The following SUPT3H variants were observed in gnomAD, a reference collection of about 807,000 sequenced individuals.
SUPT3H encodes SPT3 homolog, SAGA and STAGA complex component, also known as transcription initiation protein SPT3 homolog.
In SUPT3H, 44 loss-of-function variants were observed where a neutral mutation model predicts 44.3. That is an observed-to-expected ratio of 0.99 (90% CI 0.78 to 1.28). The LOEUF is 1.28. SUPT3H is among the 50% of genes most tolerant of loss of function. The pLI is 0.00. For synonymous variants in SUPT3H, 124 were observed against 125.6 expected, an observed-to-expected ratio of 0.99 and a Z score of 0.09; for missense variants, 380 against 387.1, an observed-to-expected ratio of 0.98 and a Z score of 0.15.
chr6:45,271,193 C>T (rs878904176), intron 2 of SUPT3H, among the ~76,000 whole-genome samples: 1 of 152,130 alleles, frequency 6.6e-6, no homozygotes, highest in Non-Finnish European at 1.5e-5. Context: ...GAAATTCAAG[C>T]CAGCTGCAGA....
At chr6:45,125,827 C>A (rs1306138420) in intron 2 of SUPT3H, among the ~76,000 whole-genome samples, 13 of 147,334 alleles carry the variant, frequency 8.8e-5, no homozygotes, top group East Asian at 2.0e-4. Flanking sequence ...AAACTATTAC[C>A]AAAAAAAAAA....
chr6:44,932,973 G>A (rs116653370), intron 9 of SUPT3H, among the ~76,000 whole-genome samples: 375 of 151,908 alleles, frequency 2.5e-3, no homozygotes, highest in Non-Finnish European at 3.8e-3. Context: ...CCTACCAAAC[G>A]CAATTTTTAT....
intron 9 of SUPT3H, among the ~76,000 whole-genome samples, chr6:44,940,237 C>T (rs920950959): frequency 1.3e-4 from 20 of 151,848 alleles, no homozygotes; most frequent in Admixed American, 2.6e-4. Flanking sequence ...GGTTTCAGTG[C>T]GTTGTGTTTC....
intron 10 of SUPT3H, among the ~76,000 whole-genome samples, chr6:44,927,933 T>A (rs1028990025): frequency 1.3e-5 from 2 of 152,220 alleles, no homozygotes; most frequent in African/African-American, 4.8e-5. Context: ...TACTTTGTAT[T>A]ATTTATGTCT....
intron 6 of SUPT3H, among the ~76,000 whole-genome samples, chr6:44,968,831 A>G (rs13215618): frequency 0.46 from 69,565 of 151,996 alleles, 16,368 homozygotes; most frequent in Admixed American, 0.55. Context: ...CATCAAATTT[A>G]AGCTCAAATG....
intron 10 of SUPT3H, among the ~76,000 whole-genome samples, chr6:44,923,784 A>G (rs1769098736): frequency 6.6e-6 from 1 of 152,070 alleles, no homozygotes. Flanking sequence ...AAATGAGATA[A>G]GATCTCTCTT....
Position 45,092,500 on chromosome 6 carries a change from CAGCATTTGGG to C in SUPT3H, c.186+13412_186+13421del, listed in dbSNP as rs1271276170. The stretch of plus-strand genomic sequence containing the variant: ...GTGCGGTGGCTCACACCTGTAATCC[CAGCATTTGGG>C]AGGCTGAGGCGGGTGGATCACCTGA... On this transcript the variant is annotated intron_variant, in intron 3 of 10. Transcript: ENST00000371459. 1.2e-4 allele frequency among the ~76,000 whole-genome samples: 18 copies of C among 152,160 alleles called. No homozygotes were observed. The East Asian group carries it at 3.5e-3, about 29-fold the overall frequency.
intron 10 of SUPT3H, among the ~76,000 whole-genome samples, chr6:44,865,115 C>G (rs568449287): frequency 6.6e-6 from 1 of 152,340 alleles, no homozygotes; most frequent in South Asian, 2.1e-4. Context: ...TGCTGCCAGT[C>G]TCTTTGCTAA....
intron 9 of SUPT3H, among the ~76,000 whole-genome samples, chr6:44,935,826 A>G (rs857318): frequency 0.97 from 146,971 of 152,284 alleles, 70,950 homozygotes; most frequent in East Asian, 1. Flanking sequence ...TGTGATGCAG[A>G]AAGTTATACT....
At chr6:45,269,501 C>T (rs1201857783) in intron 2 of SUPT3H, among the ~76,000 whole-genome samples, 1 of 152,164 alleles carries the variant, frequency 6.6e-6, no homozygotes, top group African/African-American at 2.4e-5. Context: ...ATTAGGCACG[C>T]ACTTTATCTC....
chr6:44,896,728 A>T (rs944556404), intron 10 of SUPT3H, among the ~76,000 whole-genome samples: 1 of 152,166 alleles, frequency 6.6e-6, no homozygotes, highest in Non-Finnish European at 1.5e-5. Context: ...ATATGTATAA[A>T]ATTCCTCTAG....
At chr6:44,980,995 T>C (rs151302954) in intron 6 of SUPT3H, among the ~76,000 whole-genome samples, 22 of 152,264 alleles carry the variant, frequency 1.4e-4, no homozygotes, top group African/African-American at 5.3e-4. Context: ...GGAAGGCAAG[T>C]GACAGGAAAA....
chr6:45,286,922 A>G (rs1226103617), intron 2 of SUPT3H, among the ~76,000 whole-genome samples: 1 of 152,204 alleles, frequency 6.6e-6, no homozygotes, highest in Admixed American at 6.5e-5. Context: ...CTAAAAAATG[A>G]TGAGTTCATG....
chr6:45,114,279 A>G (rs1013218804), intron 2 of SUPT3H, among the ~76,000 whole-genome samples: 1 of 152,154 alleles, frequency 6.6e-6, no homozygotes, highest in Non-Finnish European at 1.5e-5. Context: ...ACAGACAAAA[A>G]AATGAGTCAA....
intron 2 of SUPT3H, among the ~76,000 whole-genome samples, chr6:45,232,379 A>T (rs1296121516): frequency 1.3e-5 from 2 of 152,170 alleles, no homozygotes; most frequent in African/African-American, 2.4e-5. Context: ...AGTAGATCCT[A>T]TGGTAATGTT....
intron 2 of SUPT3H, among the ~76,000 whole-genome samples, chr6:45,264,866 A>G (rs904315516): frequency 6.6e-6 from 1 of 152,144 alleles, no homozygotes; most frequent in African/African-American, 2.4e-5. Context: ...TTTAGAAAAC[A>G]TGAGAACTAG....
At chr6:45,328,249 T>G in intron 2 of SUPT3H, 1 of 1,325,228 alleles carries the variant, frequency 7.5e-7, no homozygotes, top group Non-Finnish European at 1.0e-6. Flanking sequence ...ACAAACCACA[T>G]GATTCTGCCT....
At position 44,890,540 on chromosome 6, in the gene SUPT3H, A is replaced by G. The variant is rs190025016; in HGVS notation, c.912+42113T>C. On this transcript the variant is annotated intron_variant, in intron 10 of 10. Coordinates refer to ENST00000371459, the MANE Select transcript of SUPT3H (RefSeq NM_003599.4). The stretch of plus-strand genomic sequence containing the variant: ...AACCAGACACCGCATATTCTCACTC[A>G]TAGGTGGGAATTGAACAATGAGAAC... Among the ~76,000 whole-genome samples, 165 of 143,184 alleles carry G rather than the reference A, an allele frequency of 1.2e-3. 1 individual carries two copies. Among genetic ancestry groups the G allele is most frequent in the Non-Finnish European group, 9.5e-4 (62 of 65,596 alleles). 93.9% of individuals were successfully genotyped at this position (143,184 alleles called of 152,430 possible).
At position 44,953,377 on chromosome 6, in the gene SUPT3H, G is replaced by A. The variant is rs754742787; in HGVS notation, c.734C>T (p.Thr245Ile). Residue 245 changes from threonine (T) to isoleucine (I), a missense_variant, in exon 9 of 11, where the codon ACC becomes ATC. By Grantham distance (89) the Thr-to-Ile change is moderately conservative. Transcript: ENST00000371459. ...ATGGCTGAAGGGGTCCCCTGCCTTG[G>A]TTACCATGTCTTGCCTCACAAGAAG... Reference protein sequence around the residue: ...LALLVRQDMVTKAGDPFSHAI... With the variant: ...LALLVRQDMVIKAGDPFSHAI... 2 of 1,614,092 alleles carry A rather than the reference G, an allele frequency of 1.2e-6. No individual in the cohort carries two copies. Among genetic ancestry groups the A allele is most frequent in the South Asian group, 2.2e-5 (2 of 91,080 alleles).
Sources: gnomAD v4.1 joint callset for allele counts (sites outside exome capture counted in the v4.1 genomes callset) on GRCh38, gnomAD v4.1.1 for gene constraint, MANE v1.5 for transcripts, NCBI Gene and HGNC (gene_info 2026-07-23, HGNC 2026-07-21) for gene names.